GREB1L: variants seen among roughly 807,000 people sequenced by gnomAD.
GREB1L encodes the protein GREB1-like protein.
A neutral mutation model predicts 200.8 loss-of-function variants in GREB1L; 17 were observed. That is an observed-to-expected ratio of 0.08 (90% CI 0.06 to 0.13). The LOEUF (loss-of-function observed/expected upper bound fraction) is 0.13, where lower values mean the gene tolerates loss of function less well. Among genes scored for constraint, GREB1L ranks in the 10% least tolerant of loss-of-function variants. GREB1L has a pLI of 1.00. For missense variants in GREB1L, 1,657 were observed against 2,367.7 expected (o/e 0.70, Z 6.23); for synonymous variants, 789 against 893.0 (o/e 0.88, Z 2.08).
Position 21,452,078 on chromosome 18 carries a change from A to C in GREB1L, c.1850-5A>C. 2 of 1,551,692 alleles carry C rather than the reference A, an allele frequency of 1.3e-6. No homozygotes were observed. Among genetic ancestry groups the C allele is most frequent in the Non-Finnish European group, 1.7e-6 (2 of 1,146,858 alleles). ...TGTAACCTTCTTATCTCTATTTTGTAATAGGCGATGACCTAGACAAGCTGC... is the reference window on the plus strand; with the variant it reads ...TGTAACCTTCTTATCTCTATTTTGTCATAGGCGATGACCTAGACAAGCTGC... On this transcript the variant is annotated splice_region_variant and splice_polypyrimidine_tract_variant and intron_variant, in intron 13 of 32. Coordinates refer to ENST00000424526, the MANE Select transcript of GREB1L (RefSeq NM_001142966.3).
chr18:21,446,094 G>A (rs781715287), intron 11 of GREB1L, among the ~76,000 whole-genome samples: 7 of 152,114 alleles, frequency 4.6e-5, no homozygotes, highest in Non-Finnish European at 7.4e-5. Flanking sequence ...GTGCGATCTC[G>A]ACTCACTGCA....
At chr18:21,441,331 T>C in intron 9 of GREB1L, 69 bp from the exon 10 acceptor site, 1 of 1,294,588 alleles carries the variant, frequency 7.7e-7, no homozygotes, top group East Asian at 2.6e-5. Flanking sequence ...GTATTAAAAC[T>C]GCATTGCTTT....
Position 21,495,519 on chromosome 18 carries a change from G to T in GREB1L, c.3031-151G>T, listed in dbSNP as rs973292621. 1.6e-5 allele frequency: 10 copies of T among 609,704 alleles called. No homozygotes were observed. The African/African-American group carries it at 1.9e-4, about 11-fold the overall frequency. 37.8% of individuals were successfully genotyped at this position (609,704 alleles called of 1,614,324 possible). On this transcript the variant is annotated intron_variant, in intron 19 of 32. Transcript: ENST00000424526. ...AGTGCCTTGTATATGCGATGTAGTA[G>T]CAGTTAAAATATACATACATAAACA...
chr18:21,320,720 C>T (rs2038938118), intron 1 of GREB1L, among the ~76,000 whole-genome samples: 1 of 150,848 alleles, frequency 6.6e-6, no homozygotes, highest in Non-Finnish European at 1.5e-5. Context: ...GAGCTGAGAT[C>T]GCGCCACTGC....
At chr18:21,494,269 A>G (rs1004623016) in intron 19 of GREB1L, among the ~76,000 whole-genome samples, 6 of 152,248 alleles carry the variant, frequency 3.9e-5, no homozygotes, top group Non-Finnish European at 7.3e-5. Context: ...TAGTATGCAC[A>G]TATATAATAA....
chr18:21,503,570 CATTATT>C (rs1179762209), intron 23 of GREB1L, among the ~76,000 whole-genome samples: 1 of 139,202 alleles, frequency 7.2e-6, no homozygotes, highest in Non-Finnish European at 1.5e-5. Flanking sequence ...ACTTTATTAT[CATTATT>C]ATTATTATTA....
chr18:21,352,470 G>A (rs1416081538), intron 1 of GREB1L, among the ~76,000 whole-genome samples: 1 of 151,942 alleles, frequency 6.6e-6, no homozygotes. Flanking sequence ...TATGCACTCT[G>A]TTGCCCAGGC....
chr18:21,405,942 G>T (rs1359683985), intron 7 of GREB1L, among the ~76,000 whole-genome samples: 6 of 151,596 alleles, frequency 4.0e-5, no homozygotes, highest in Non-Finnish European at 7.4e-5. Context: ...GATCAGACTG[G>T]GCAACATAGT....
At chr18:21,358,462 C>T (rs1266686637) in intron 1 of GREB1L, among the ~76,000 whole-genome samples, 1 of 152,134 alleles carries the variant, frequency 6.6e-6, no homozygotes, top group African/African-American at 2.4e-5. Flanking sequence ...ACTACAGGCG[C>T]CTGCCACCAC....
intron 15 of GREB1L, among the ~76,000 whole-genome samples, chr18:21,459,117 G>A (rs2034912500): frequency 6.6e-6 from 1 of 151,930 alleles, no homozygotes; most frequent in South Asian, 2.1e-4. Context: ...TTTAACACAT[G>A]CATGATTATA....
At chr18:21,470,736 G>A (rs1006316691) in intron 15 of GREB1L, among the ~76,000 whole-genome samples, 1 of 152,050 alleles carries the variant, frequency 6.6e-6, no homozygotes, top group African/African-American at 2.4e-5. Flanking sequence ...CAAAATGTGA[G>A]TCAGGCTGCA....
At chr18:21,398,480 A>T (rs1315076945) in intron 5 of GREB1L, among the ~76,000 whole-genome samples, 1 of 152,180 alleles carries the variant, frequency 6.6e-6, no homozygotes, top group African/African-American at 2.4e-5. Context: ...TAGCCTTGTA[A>T]GTGGACATAA....
chr18:21,339,559 A>G (rs1169057353), intron 1 of GREB1L, among the ~76,000 whole-genome samples: 1 of 152,218 alleles, frequency 6.6e-6, no homozygotes, highest in East Asian at 1.9e-4. Context: ...GAATCTTAGC[A>G]CTGCTAACTT....
intron 1 of GREB1L, among the ~76,000 whole-genome samples, chr18:21,350,618 T>A: frequency 6.6e-6 from 1 of 152,164 alleles, no homozygotes. Context: ...CAGGATGGCA[T>A]AACACAAAAA....
At chr18:21,282,703 G>A (rs2038290047) in intron 1 of GREB1L, among the ~76,000 whole-genome samples, 1 of 152,002 alleles carries the variant, frequency 6.6e-6, no homozygotes, top group African/African-American at 2.4e-5. Flanking sequence ...GGGTTCAAGT[G>A]ATTCTCCTGC....
At chr18:21,376,363 C>A (rs2040069736) in intron 2 of GREB1L, among the ~76,000 whole-genome samples, 1 of 151,034 alleles carries the variant, frequency 6.6e-6, no homozygotes, top group Admixed American at 6.6e-5. Flanking sequence ...AGGTGATCCA[C>A]CCACCACCTC....
chr18:21,481,515 C>T (rs2035923298), intron 17 of GREB1L, among the ~76,000 whole-genome samples: 1 of 142,904 alleles, frequency 7.0e-6, no homozygotes, highest in South Asian at 2.3e-4. Flanking sequence ...TAGAATTTAC[C>T]TGTTTCTTGT....
At chr18:21,366,812 G>A (rs530783119) in intron 2 of GREB1L, among the ~76,000 whole-genome samples, 34 of 152,068 alleles carry the variant, frequency 2.2e-4, no homozygotes, top group African/African-American at 7.5e-4. Flanking sequence ...TTTATAACAC[G>A]TTGTATCCTT....
At chr18:21,494,161 T>C (rs780202679) in intron 19 of GREB1L, among the ~76,000 whole-genome samples, 20 of 152,284 alleles carry the variant, frequency 1.3e-4, no homozygotes, top group Non-Finnish European at 2.5e-4. Flanking sequence ...AGAATTTTTC[T>C]TCTAGCATTA....
Sources: allele counts gnomAD v4.1 joint callset (sites outside exome capture counted in the v4.1 genomes callset), GRCh38; gene constraint gnomAD v4.1.1; transcripts MANE v1.5; gene names NCBI Gene and HGNC (gene_info 2026-07-23, HGNC 2026-07-21).